The following PRLR variants were observed in gnomAD, a reference collection of about 807,000 sequenced individuals.
PRLR encodes prolactin receptor.
Under a neutral mutation model 40.2 loss-of-function variants are expected in PRLR, and 13 were observed. That is an observed-to-expected ratio of 0.32 (90% confidence interval 0.21 to 0.51). The LOEUF (loss-of-function observed/expected upper bound fraction) is 0.51. Ranked by LOEUF, PRLR falls within the 20% of genes least tolerant of loss-of-function variation. PRLR has a pLI of 0.97. For synonymous variants in PRLR, 269 were observed against 278.7 expected (o/e 0.97, Z 0.35); for missense variants, 656 against 747.3 (o/e 0.88, Z 1.42).
intron 1 of PRLR, among the ~76,000 whole-genome samples, chr5:35,141,717 T>C (rs1457434807): frequency 6.6e-6 from 1 of 152,152 alleles, no homozygotes; most frequent in Non-Finnish European, 1.5e-5. Flanking sequence ...GAATCATTGA[T>C]TTCCAATCCT....
rs543424302 is a variant in PRLR at position 35,078,613 on chromosome 5, G to A, written c.373+5857C>T. On this transcript the variant is annotated intron_variant, in intron 5 of 9. Transcript: ENST00000618457. ...TCCAGGACCAGACGGATTCACAGCCGAATTCTACCAGACGTACAAAGAGGA... is the reference window on the plus strand; with the variant it reads ...TCCAGGACCAGACGGATTCACAGCCAAATTCTACCAGACGTACAAAGAGGA... 2.8e-4 allele frequency among the ~76,000 whole-genome samples: 43 copies of A among 151,662 alleles called. No individual in the cohort carries two copies. In the East Asian group the frequency reaches 7.5e-3, roughly 27 times the overall value.
In PRLR at chr5:35,068,301, T is replaced by C; in HGVS notation, c.786-16A>G. The C allele has an allele frequency of 1.3e-6, 2 of 1,598,454 alleles. No individual in the cohort carries two copies. Among genetic ancestry groups the C allele is most frequent in the Non-Finnish European group, 1.7e-6 (2 of 1,165,996 alleles). On this transcript the variant is annotated splice_polypyrimidine_tract_variant and intron_variant, in intron 8 of 9. Transcript: ENST00000618457. The stretch of plus-strand genomic sequence containing the variant: ...GGTCACCATGCTATAAAATAATTCA[T>C]GAGATTGGCTAAATGACTCATTTCT...
intron 9 of PRLR, among the ~76,000 whole-genome samples, chr5:35,066,810 C>G (rs1282407239): frequency 1.4e-5 from 2 of 140,082 alleles, no homozygotes; most frequent in Non-Finnish European, 3.0e-5. Context: ...GTTGCCCAGG[C>G]TGGAGTGCAG....
intron 1 of PRLR, among the ~76,000 whole-genome samples, chr5:35,141,684 T>C (rs1412918235): frequency 6.6e-6 from 1 of 152,188 alleles, no homozygotes; most frequent in East Asian, 1.9e-4. Context: ...CAAATGTAAA[T>C]GATGAAACCA....
At chr5:35,067,456 C>T (rs1245702803) in intron 9 of PRLR, among the ~76,000 whole-genome samples, 4 of 151,948 alleles carry the variant, frequency 2.6e-5, no homozygotes, top group East Asian at 1.9e-4. Flanking sequence ...GTCCCTGCTT[C>T]GATATTTGCA....
intron 2 of PRLR, among the ~76,000 whole-genome samples, chr5:35,100,449 T>A (rs898515049): frequency 2.0e-5 from 3 of 152,182 alleles, no homozygotes; most frequent in Admixed American, 6.5e-5. Flanking sequence ...AGGTGTACCA[T>A]TTTAAAAAAT....
rs184719110 is a variant in PRLR at position 35,060,117 on chromosome 5, T to G, written c.*4972A>C. On this transcript the variant is annotated 3_prime_UTR_variant, in exon 10 of 10. Transcript: ENST00000618457. The stretch of plus-strand genomic sequence containing the variant: ...TGAACATGGGCTTAATCTCTAAGTA[T>G]GCAAATCTCTAAATGGGATATACTT... 1.3e-5 allele frequency: 2 copies of G among 152,238 alleles called. No individual in the cohort carries two copies. Among genetic ancestry groups the G allele is most frequent in the Non-Finnish European group, 2.9e-5 (2 of 68,046 alleles). 9.4% of individuals were successfully genotyped at this position (152,238 alleles called of 1,614,324 possible).
chr5:35,199,363 C>T (rs1775818028), intron 1 of PRLR, among the ~76,000 whole-genome samples: 1 of 152,140 alleles, frequency 6.6e-6, no homozygotes, highest in Non-Finnish European at 1.5e-5. Flanking sequence ...TACATCTGAT[C>T]GAAAATCAAA....
At chr5:35,054,692 A>C (rs1561246229), downstream of PRLR, among the ~76,000 whole-genome samples, 1 of 152,216 alleles carries the variant, frequency 6.6e-6, no homozygotes, top group Non-Finnish European at 1.5e-5. Context: ...GATTGTATAG[A>C]TGTATAAAAC....
chr5:35,114,317 G>A (rs1465973402), intron 2 of PRLR, among the ~76,000 whole-genome samples: 1 of 152,178 alleles, frequency 6.6e-6, no homozygotes, highest in Non-Finnish European at 1.5e-5. Context: ...TTAATGTAAA[G>A]TGTCGAGAGG....
chr5:35,225,188 C>T (rs1033100560), intron 1 of PRLR, among the ~76,000 whole-genome samples: 1 of 152,166 alleles, frequency 6.6e-6, no homozygotes, highest in Non-Finnish European at 1.5e-5. Context: ...TAAAATGACC[C>T]TTTCATTGTA....
chr5:35,224,250 CG>C (rs1776495966), intron 1 of PRLR, among the ~76,000 whole-genome samples: 1 of 152,170 alleles, frequency 6.6e-6, no homozygotes, highest in African/African-American at 2.4e-5. Context: ...CATAGCTCCC[CG>C]CCCCACATCT....
At chr5:35,084,420 C>T in intron 5 of PRLR, 50 bp downstream of exon 5, 2 of 1,483,540 alleles carry the variant, frequency 1.3e-6, no homozygotes, top group Non-Finnish European at 1.8e-6. Context: ...TGACTATTGG[C>T]TAATACATAG....
intron 1 of PRLR, among the ~76,000 whole-genome samples, chr5:35,177,510 G>C (rs1438990822): frequency 6.6e-6 from 1 of 151,356 alleles, no homozygotes; most frequent in South Asian, 2.1e-4. Flanking sequence ...TCTACTTTTT[G>C]TCTGTATGGA....
At chr5:35,173,998 A>G (rs1008065630) in intron 1 of PRLR, among the ~76,000 whole-genome samples, 7 of 151,370 alleles carry the variant, frequency 4.6e-5, no homozygotes, top group Non-Finnish European at 1.0e-4. Context: ...CCACCCCACA[A>G]CAGGCCCCGG....
chr5:35,206,526 T>TGAGGA (rs1776025876), intron 1 of PRLR, among the ~76,000 whole-genome samples: 1 of 152,102 alleles, frequency 6.6e-6, no homozygotes, highest in Non-Finnish European at 1.5e-5. Flanking sequence ...TAAATTATTC[T>TGAGGA]TACCAATACT....
intron 8 of PRLR, among the ~76,000 whole-genome samples, chr5:35,049,744 G>A (rs977567084): frequency 1.3e-5 from 2 of 151,964 alleles, no homozygotes; most frequent in Non-Finnish European, 2.9e-5. Context: ...TAGCATCCTA[G>A]GACAGAGAAT....
chr5:35,166,918 C>T (rs1424172167), intron 1 of PRLR, among the ~76,000 whole-genome samples: 1 of 152,140 alleles, frequency 6.6e-6, no homozygotes, highest in Admixed American at 6.5e-5. Context: ...TCCAAATACA[C>T]ACCCTTAAAC....
At chr5:35,140,311 AC>A (rs1272131691) in intron 1 of PRLR, among the ~76,000 whole-genome samples, 2 of 152,164 alleles carry the variant, frequency 1.3e-5, no homozygotes. Context: ...TGCAGGCAAT[AC>A]TTTTTCTAGT....
Sources: allele counts gnomAD v4.1 joint callset (sites outside exome capture counted in the v4.1 genomes callset), GRCh38; gene constraint gnomAD v4.1.1; transcripts MANE v1.5; gene names NCBI Gene and HGNC (gene_info 2026-07-23, HGNC 2026-07-21).